PTPRM: variants seen among roughly 807,000 people sequenced by gnomAD.
PTPRM encodes receptor-type tyrosine-protein phosphatase mu.
Under a neutral mutation model 186.7 loss-of-function variants are expected in PTPRM, and 47 were observed. The observed-to-expected ratio is 0.25, with a 90% CI of 0.20 to 0.32. PTPRM has a LOEUF of 0.32. Ranked by LOEUF, PTPRM falls within the 10% of genes least tolerant of loss-of-function variation. The pLI is 1.00. For synonymous variants in PTPRM, 668 were observed against 674.9 expected (o/e 0.99, Z 0.16); for missense variants, 1,494 against 1,865.0 (o/e 0.80, Z 3.66).
At position 8,160,458 on chromosome 18, in the gene PTPRM, TTTG is replaced by T. The variant is rs555423057; in HGVS notation, c.2300+16696_2300+16698del. 5.9e-5 allele frequency among the ~76,000 whole-genome samples: 9 copies of T among 151,574 alleles called. No individual in the cohort carries two copies. In the South Asian group the frequency reaches 1.0e-3, roughly 18 times the overall value. On this transcript the variant is annotated intron_variant, in intron 14 of 32. Coordinates refer to ENST00000580170, the MANE Select transcript of PTPRM (RefSeq NM_001105244.2). Reference sequence around the variant, plus strand: ...CACCACGCCCAGAAAATTTTGGGGTTTTGTTGTTGTTGTTGTTGTAGAGACAGG... The same window carrying T: ...CACCACGCCCAGAAAATTTTGGGGTTTTGTTGTTGTTGTTGTAGAGACAGG...
intron 5 of PTPRM, among the ~76,000 whole-genome samples, chr18:7,948,618 G>T (rs1186380917): frequency 2.6e-5 from 4 of 152,162 alleles, no homozygotes; most frequent in Non-Finnish European, 5.9e-5. Flanking sequence ...TCATTTAATA[G>T]TTACTAGGCA....
chr18:8,026,702 CAAAAAATT>C (rs1568208602), intron 7 of PTPRM, among the ~76,000 whole-genome samples: 2 of 151,876 alleles, frequency 1.3e-5, no homozygotes, highest in Non-Finnish European at 2.9e-5. Flanking sequence ...ACTAAAAATA[CAAAAAATT>C]AGCCAGGTGT....
intron 1 of PTPRM, among the ~76,000 whole-genome samples, chr18:7,617,491 T>A (rs1162721426): frequency 6.6e-6 from 1 of 152,202 alleles, no homozygotes; most frequent in East Asian, 1.9e-4. Flanking sequence ...TTTATTTCCC[T>A]GGAGCAACTA....
chr18:8,122,957 A>G (rs28502621), intron 13 of PTPRM, among the ~76,000 whole-genome samples: 21,587 of 152,236 alleles, frequency 0.14, 1,678 homozygotes, highest in African/African-American at 0.18. Flanking sequence ...ATAATTTAGG[A>G]AAGTTTAGAA....
chr18:7,954,979 T>G, intron 6 of PTPRM, 142 bp from the exon 7 acceptor site: 1 of 810,644 alleles, frequency 1.2e-6, no homozygotes, highest in Non-Finnish European at 1.9e-6. Context: ...ATACTTTTTC[T>G]TGTTAACCCA....
intron 14 of PTPRM, among the ~76,000 whole-genome samples, chr18:8,208,117 G>A (rs571776150): frequency 7.2e-4 from 110 of 152,332 alleles, no homozygotes; most frequent in African/African-American, 2.4e-3. Flanking sequence ...AACCATAACC[G>A]TAAGCTGAGC....
At chr18:7,988,772 A>AT (rs2083103591) in intron 7 of PTPRM, among the ~76,000 whole-genome samples, 1 of 152,146 alleles carries the variant, frequency 6.6e-6, no homozygotes, top group Non-Finnish European at 1.5e-5. Context: ...GTCATATTCC[A>AT]TTGGATGGAT....
At chr18:8,240,815 AG>A (rs2094424070) in intron 14 of PTPRM, among the ~76,000 whole-genome samples, 11 of 43,436 alleles carry the variant, frequency 2.5e-4, no homozygotes, top group African/African-American at 1.6e-3. Context: ...AGAGAGAGAG[AG>A]AGAGAGAGAG....
chr18:8,160,409 G>C (rs528600615), intron 14 of PTPRM, among the ~76,000 whole-genome samples: 2 of 152,196 alleles, frequency 1.3e-5, no homozygotes, highest in African/African-American at 4.8e-5. Context: ...AACCTCCCAA[G>C]TAGCTAGGAC....
At chr18:8,277,596 T>G (rs1015052829) in intron 19 of PTPRM, among the ~76,000 whole-genome samples, 3 of 152,222 alleles carry the variant, frequency 2.0e-5, no homozygotes, top group Non-Finnish European at 4.4e-5. Context: ...TATATAGAAA[T>G]AGACATACTT....
chr18:7,597,116 A>G (rs2037285406), intron 1 of PTPRM, among the ~76,000 whole-genome samples: 5 of 152,190 alleles, frequency 3.3e-5, no homozygotes, highest in Admixed American at 2.6e-4. Flanking sequence ...TGTCCTTCTA[A>G]AGTGCTGGGA....
At chr18:8,216,433 T>TA (rs2094087313) in intron 14 of PTPRM, among the ~76,000 whole-genome samples, 1 of 152,250 alleles carries the variant, frequency 6.6e-6, no homozygotes, top group Non-Finnish European at 1.5e-5. Flanking sequence ...CATATAACAG[T>TA]AATAGCAGTT....
At chr18:7,618,142 GAAAC>G (rs1443970476) in intron 1 of PTPRM, among the ~76,000 whole-genome samples, 8 of 152,190 alleles carry the variant, frequency 5.3e-5, no homozygotes, top group Non-Finnish European at 1.2e-4. Flanking sequence ...CAAAAATCCT[GAAAC>G]AAAACAAACC....
intron 2 of PTPRM, among the ~76,000 whole-genome samples, chr18:7,829,350 GA>G (rs2045646695): frequency 1.3e-5 from 2 of 152,086 alleles, no homozygotes; most frequent in Admixed American, 6.6e-5. Context: ...GATAATAATA[GA>G]TGCACATTTG....
intron 1 of PTPRM, among the ~76,000 whole-genome samples, chr18:7,627,537 T>C (rs531610731): frequency 2.9e-4 from 44 of 152,150 alleles, no homozygotes; most frequent in Admixed American, 1.6e-3. Flanking sequence ...TTAGGGTACA[T>C]GGAAGGAGGG....
At chr18:7,613,415 C>G (rs2037726907) in intron 1 of PTPRM, among the ~76,000 whole-genome samples, 1 of 152,168 alleles carries the variant, frequency 6.6e-6, no homozygotes, top group Non-Finnish European at 1.5e-5. Context: ...TGGCTCACGC[C>G]TGTAATCCCA....
At chr18:8,375,990 T>G in intron 24 of PTPRM, 56 bp from the exon 25 acceptor site, 6 of 1,527,454 alleles carry the variant, frequency 3.9e-6, no homozygotes, top group Non-Finnish European at 4.5e-6. Flanking sequence ...TCCCTGCTTA[T>G]TTGTGGTTTG....
At chr18:7,726,722 A>C (rs149797040) in intron 1 of PTPRM, among the ~76,000 whole-genome samples, 39 of 152,170 alleles carry the variant, frequency 2.6e-4, no homozygotes, top group Non-Finnish European at 5.3e-4. Flanking sequence ...TGGTGTTCCA[A>C]ACTGGACTGT....
At chr18:7,957,627 G>A (rs79861960) in intron 7 of PTPRM, among the ~76,000 whole-genome samples, 3,277 of 152,296 alleles carry the variant, frequency 0.022, 45 homozygotes, top group African/African-American at 0.044. Context: ...AGAGGGGAAG[G>A]CATGTTAGGT....
Sources: allele counts gnomAD v4.1 joint callset (sites outside exome capture counted in the v4.1 genomes callset), GRCh38; gene constraint gnomAD v4.1.1; transcripts MANE v1.5; gene names NCBI Gene and HGNC (gene_info 2026-07-23, HGNC 2026-07-21).